Variants in CCDC149 observed in about 807,000 individuals in gnomAD.
CCDC149 encodes coiled-coil domain containing 149.
In CCDC149, 45 loss-of-function variants were observed where a neutral mutation model predicts 59.9. The observed-to-expected ratio is 0.75, with a 90% CI of 0.59 to 0.96. The LOEUF (loss-of-function observed/expected upper bound fraction) is 0.96. CCDC149 is among the 40% of genes least tolerant of loss of function. The pLI is 0.00. For missense variants in CCDC149, 584 were observed against 664.7 expected, an observed-to-expected ratio of 0.88 and a Z score of 1.33; for synonymous variants, 245 against 260.6, an observed-to-expected ratio of 0.94 and a Z score of 0.58.
chr4:24,815,673 T>C (rs1714967798), intron 12 of CCDC149, among the ~76,000 whole-genome samples: 1 of 152,212 alleles, frequency 6.6e-6, no homozygotes, highest in Admixed American at 6.5e-5. Context: ...TACCTTAATT[T>C]ACACCTCAGT....
At chr4:24,893,457 T>C (rs1233428795) in intron 1 of CCDC149, among the ~76,000 whole-genome samples, 1 of 152,106 alleles carries the variant, frequency 6.6e-6, no homozygotes, top group African/African-American at 2.4e-5. Context: ...ATTGTAAGAC[T>C]TGTAATCCAC....
At chr4:24,942,090 C>CA (rs1050973410) in intron 1 of CCDC149, among the ~76,000 whole-genome samples, 26 of 152,072 alleles carry the variant, frequency 1.7e-4, no homozygotes, top group Middle Eastern at 3.4e-3. Flanking sequence ...AGAGATACAA[C>CA]AAAAAAAGAG....
intron 1 of CCDC149, among the ~76,000 whole-genome samples, chr4:24,944,054 A>G (rs1176462264): frequency 1.3e-5 from 2 of 152,230 alleles, no homozygotes; most frequent in Non-Finnish European, 2.9e-5. Flanking sequence ...TACTGGGTAT[A>G]TACCCAAAGG....
intron 1 of CCDC149, among the ~76,000 whole-genome samples, chr4:24,971,570 C>T (rs986067138): frequency 3.9e-5 from 6 of 152,208 alleles, no homozygotes; most frequent in African/African-American, 1.2e-4. Context: ...TAATGCTGTA[C>T]GTTCGGCTCG....
chr4:24,954,726 A>G (rs1279701910), intron 1 of CCDC149, among the ~76,000 whole-genome samples: 1 of 152,186 alleles, frequency 6.6e-6, no homozygotes, highest in Admixed American at 6.5e-5. Context: ...CCAAGGTCCT[A>G]GCACTCTGGG....
chr4:24,914,434 C>T (rs142845808), upstream of CCDC149, among the ~76,000 whole-genome samples: 403 of 150,996 alleles, frequency 2.7e-3, 6 homozygotes, highest in Admixed American at 0.023. Context: ...AGCAATTGTG[C>T]ATTAGGATTT....
intron 1 of CCDC149, among the ~76,000 whole-genome samples, chr4:24,968,263 G>A (rs915170721): frequency 6.6e-6 from 1 of 152,246 alleles, no homozygotes; most frequent in South Asian, 2.1e-4. Context: ...CTGAGCTCCA[G>A]TATTCCTTGA....
At chr4:24,860,747 A>G (rs1214197244) in intron 3 of CCDC149, among the ~76,000 whole-genome samples, 1 of 152,194 alleles carries the variant, frequency 6.6e-6, no homozygotes, top group Non-Finnish European at 1.5e-5. Context: ...GCAAATCTGC[A>G]AGAAAAAAAC....
chr4:24,971,676 C>T (rs1288673867), intron 1 of CCDC149, among the ~76,000 whole-genome samples: 1 of 152,338 alleles, frequency 6.6e-6, no homozygotes, highest in African/African-American at 2.4e-5. Flanking sequence ...AACTCCCTTC[C>T]TCTTGGCAAG....
chr4:24,846,745 T>G (rs539284019), intron 4 of CCDC149, among the ~76,000 whole-genome samples: 2 of 152,326 alleles, frequency 1.3e-5, no homozygotes, highest in Non-Finnish European at 2.9e-5. Context: ...AACCCTGTGT[T>G]TATGCAATAT....
chr4:24,933,484 G>C (rs1722653227), intron 1 of CCDC149, among the ~76,000 whole-genome samples: 1 of 152,192 alleles, frequency 6.6e-6, no homozygotes, highest in Non-Finnish European at 1.5e-5. Flanking sequence ...TGTCTATGAA[G>C]ATGAGTATAA....
At chr4:24,935,953 CAGTG>C (rs1031083468) in intron 1 of CCDC149, among the ~76,000 whole-genome samples, 1 of 152,012 alleles carries the variant, frequency 6.6e-6, no homozygotes, top group Non-Finnish European at 1.5e-5. Flanking sequence ...AAGAGGTGGT[CAGTG>C]AGTAAGCAGA....
chr4:24,970,480 G>A (rs4315770), intron 1 of CCDC149, among the ~76,000 whole-genome samples: 82,574 of 151,956 alleles, frequency 0.54, 24,285 homozygotes, highest in Non-Finnish European at 0.67. Flanking sequence ...CTACTGGGGG[G>A]ACGTGTAGTA....
intron 4 of CCDC149, among the ~76,000 whole-genome samples, chr4:24,841,854 G>T (rs1156343021): frequency 6.6e-6 from 1 of 152,182 alleles, no homozygotes; most frequent in Non-Finnish European, 1.5e-5. Context: ...TGAACTCAGG[G>T]GAGTTCAAAT....
chr4:24,826,181 A>T (rs569590567), intron 9 of CCDC149, among the ~76,000 whole-genome samples: 6 of 151,934 alleles, frequency 3.9e-5, no homozygotes, highest in African/African-American at 1.4e-4. Flanking sequence ...GGCTGGTTCT[A>T]ACTCCTGAGC....
intron 3 of CCDC149, among the ~76,000 whole-genome samples, chr4:24,858,250 C>T (rs1476470256): frequency 6.6e-6 from 1 of 152,120 alleles, no homozygotes; most frequent in Non-Finnish European, 1.5e-5. Flanking sequence ...AATAACAGCA[C>T]TATGTAAAGG....
chr4:24,946,901 T>C (rs1291723362), intron 1 of CCDC149, among the ~76,000 whole-genome samples: 1 of 152,194 alleles, frequency 6.6e-6, no homozygotes, highest in East Asian at 1.9e-4. Flanking sequence ...TATGTACTCA[T>C]AGATTTTCCT....
chr4:24,852,502 G>T (rs1717725725), intron 4 of CCDC149, among the ~76,000 whole-genome samples: 2 of 152,148 alleles, frequency 1.3e-5, no homozygotes, highest in African/African-American at 4.8e-5. Flanking sequence ...CATAGCTTCA[G>T]CTGGGAGAGA....
At chr4:24,966,170 C>T (rs757239710) in intron 1 of CCDC149, among the ~76,000 whole-genome samples, 8 of 152,112 alleles carry the variant, frequency 5.3e-5, no homozygotes, top group Non-Finnish European at 8.8e-5. Flanking sequence ...ACAAGGGCAA[C>T]GTGACCACAC....
Sources: gnomAD v4.1 joint callset for allele counts (sites outside exome capture counted in the v4.1 genomes callset) on GRCh38, gnomAD v4.1.1 for gene constraint, MANE v1.5 for transcripts, NCBI Gene and HGNC (gene_info 2026-07-23, HGNC 2026-07-21) for gene names.